CNTN1: variants seen among roughly 807,000 people sequenced by gnomAD.
CNTN1 encodes contactin 1, also known as contactin-1.
CNTN1 carries 38 observed loss-of-function variants against 126.4 expected under a neutral mutation model. The ratio of observed to expected loss-of-function variants is 0.30; its 90% confidence interval spans 0.23 to 0.39. CNTN1 has a LOEUF of 0.39. Ranked by LOEUF, CNTN1 falls within the 10% of genes least tolerant of loss-of-function variation. The pLI, the probability that CNTN1 is intolerant of heterozygous loss-of-function variation, is 1.00. For missense variants in CNTN1, 1,009 were observed against 1,248.4 expected (o/e 0.81, Z 2.89); for synonymous variants, 413 against 422.6 (o/e 0.98, Z 0.28).
intron 1 of CNTN1, among the ~76,000 whole-genome samples, chr12:40,695,903 C>T (rs1565610746): frequency 6.6e-6 from 1 of 152,166 alleles, no homozygotes; most frequent in Non-Finnish European, 1.5e-5. Context: ...CCTAATCTCC[C>T]TCCCATTAGC....
intron 1 of CNTN1, among the ~76,000 whole-genome samples, chr12:40,904,772 T>C (rs79893767): frequency 1.3e-5 from 2 of 152,292 alleles, no homozygotes; most frequent in Non-Finnish European, 2.9e-5. Context: ...TTGGATAGGA[T>C]TATAGTTATG....
rs1364364292 is a variant in CNTN1, at chr12:40,923,122, C to T, written c.400+694C>T. On this transcript the variant is annotated intron_variant, in intron 5 of 23. Coordinates refer to ENST00000551295, the MANE Select transcript of CNTN1 (RefSeq NM_001843.4). ...TGTCTGTGACTCTTCAAAGATCAAC[C>T]CAATATGACAATATTGTATTCCCTA... Among the ~76,000 whole-genome samples the T allele has an allele frequency of 4.6e-5, 7 of 151,856 alleles. No homozygotes were observed. In the East Asian group the frequency reaches 1.4e-3, roughly 29 times the overall value.
intron 1 of CNTN1, among the ~76,000 whole-genome samples, chr12:40,730,889 G>T (rs926072213): frequency 5.7e-4 from 86 of 152,000 alleles, no homozygotes; most frequent in African/African-American, 2.1e-3. Context: ...TATTTGTGAT[G>T]GAATGCCTTG....
chr12:40,846,876 AT>A (rs1238610926), intron 1 of CNTN1, among the ~76,000 whole-genome samples: 4 of 147,466 alleles, frequency 2.7e-5, no homozygotes, highest in African/African-American at 1.0e-4. Flanking sequence ...TATTATTTTT[AT>A]TTTTTTCTGA....
At chr12:41,015,753 C>T (rs1056380904) in intron 18 of CNTN1, among the ~76,000 whole-genome samples, 36 of 151,502 alleles carry the variant, frequency 2.4e-4, no homozygotes, top group Admixed American at 9.9e-4. Flanking sequence ...ACAATGTGCA[C>T]ATTTACCTAA....
At chr12:40,965,997 ACCAC>A (rs1288571859) in intron 15 of CNTN1, among the ~76,000 whole-genome samples, 2,013 of 119,964 alleles carry the variant, frequency 0.017, 55 homozygotes, top group African/African-American at 0.062. Context: ...ACCTCATCAC[ACCAC>A]ACACACACAC....
chr12:40,794,599 G>A (rs948348225), intron 1 of CNTN1, among the ~76,000 whole-genome samples: 12 of 151,938 alleles, frequency 7.9e-5, no homozygotes, highest in Admixed American at 1.3e-4. Flanking sequence ...GGTTTTCAAA[G>A]TAAATTATGT....
intron 1 of CNTN1, among the ~76,000 whole-genome samples, chr12:40,836,080 ACATATACAGGTATATATATACG>A (rs1565806540): frequency 3.4e-4 from 40 of 116,870 alleles, no homozygotes; most frequent in African/African-American, 1.2e-3. Flanking sequence ...ATATATACGT[ACATATACAGGTATATATATACG>A]TACATATACA....
chr12:40,924,815 ACTTT>A (rs1261233464), intron 6 of CNTN1, among the ~76,000 whole-genome samples, 163 bp downstream of exon 6: 2 of 146,988 alleles, frequency 1.4e-5, no homozygotes, highest in South Asian at 4.3e-4. Context: ...TGTTGTGGAC[ACTTT>A]CTTTCTTGGC....
Position 40,902,063 on chromosome 12 carries a change from C to T in CNTN1, c.-76-6294C>T, listed in dbSNP as rs561999667. The stretch of plus-strand genomic sequence containing the variant: ...AAAGTGCTTAATTGACTTTGTATTT[C>T]ATTGTATAGTATCCCCTTTTAAAGG... On this transcript the variant is annotated intron_variant, in intron 1 of 23. Coordinates refer to ENST00000551295, the MANE Select transcript of CNTN1 (RefSeq NM_001843.4). 4.6e-5 allele frequency among the ~76,000 whole-genome samples: 7 copies of T among 152,242 alleles called. No individual in the cohort carries two copies. In the East Asian group the frequency reaches 1.4e-3, roughly 29 times the overall value.
At position 40,809,961 on chromosome 12, in the gene CNTN1, G is replaced by C. The variant is rs991159058; in HGVS notation, c.-76-98396G>C. On this transcript the variant is annotated intron_variant, in intron 1 of 23. Coordinates refer to ENST00000551295, the MANE Select transcript of CNTN1 (RefSeq NM_001843.4). Reference sequence around the variant, plus strand: ...ACTAATCTCTATTGTTAGTCGTCAGGATAGTGGCTATCTTTGGGGCTGGTA... The same window carrying C: ...ACTAATCTCTATTGTTAGTCGTCAGCATAGTGGCTATCTTTGGGGCTGGTA... Among the ~76,000 whole-genome samples, 5 of 152,120 alleles carry C rather than the reference G, an allele frequency of 3.3e-5. No individual in the cohort carries two copies. In the South Asian group the frequency reaches 1.0e-3, roughly 32 times the overall value.
At chr12:41,031,594 A>C (rs1226167099) in intron 23 of CNTN1, among the ~76,000 whole-genome samples, 1 of 152,222 alleles carries the variant, frequency 6.6e-6, no homozygotes, top group African/African-American at 2.4e-5. Context: ...TGATTTCAGC[A>C]TACCACAGCT....
At chr12:40,888,155 A>T (rs931445714) in intron 1 of CNTN1, among the ~76,000 whole-genome samples, 1 of 152,112 alleles carries the variant, frequency 6.6e-6, no homozygotes, top group Non-Finnish European at 1.5e-5. Context: ...CCTGAAACTT[A>T]AAGTATAATA....
chr12:40,981,293 A>G (rs2120378204), intron 16 of CNTN1, among the ~76,000 whole-genome samples: 1 of 152,274 alleles, frequency 6.6e-6, no homozygotes, highest in Non-Finnish European at 1.5e-5. Context: ...TTCTAAATCA[A>G]TATATAATGG....
chr12:41,004,771 TC>T (rs1948450487), intron 17 of CNTN1, among the ~76,000 whole-genome samples: 1 of 152,236 alleles, frequency 6.6e-6, no homozygotes, highest in Non-Finnish European at 1.5e-5. Flanking sequence ...TTTACTGTTT[TC>T]CATTTGCTTG....
intron 17 of CNTN1, among the ~76,000 whole-genome samples, chr12:41,013,030 G>C (rs1948699418): frequency 6.6e-6 from 1 of 152,068 alleles, no homozygotes; most frequent in Admixed American, 6.5e-5. Flanking sequence ...AGAGGGAGAG[G>C]GGTCCCCGAG....
chr12:40,961,298 C>A (rs1947099593), intron 15 of CNTN1, among the ~76,000 whole-genome samples: 1 of 151,866 alleles, frequency 6.6e-6, no homozygotes, highest in African/African-American at 2.4e-5. Flanking sequence ...CATTTCATAT[C>A]AAAAGAAATT....
intron 1 of CNTN1, among the ~76,000 whole-genome samples, chr12:40,903,799 G>A (rs1439721409): frequency 1.3e-5 from 2 of 152,074 alleles, no homozygotes; most frequent in African/African-American, 2.4e-5. Context: ...ACACAGAGAG[G>A]CTCAAAATAA....
chr12:40,737,422 A>C (rs1241601109), intron 1 of CNTN1, among the ~76,000 whole-genome samples: 1 of 148,916 alleles, frequency 6.7e-6, no homozygotes, highest in Non-Finnish European at 1.5e-5. Flanking sequence ...GCAAGGTCCC[A>C]CAGTAGGCTG....
Sources: allele counts gnomAD v4.1 joint callset (sites outside exome capture counted in the v4.1 genomes callset), GRCh38; gene constraint gnomAD v4.1.1; transcripts MANE v1.5; gene names NCBI Gene and HGNC (gene_info 2026-07-23, HGNC 2026-07-21).